The following ATP8B4 variants were observed in gnomAD, a reference collection of about 807,000 sequenced individuals.
ATP8B4 encodes ATPase phospholipid transporting 8B4 (putative).
ATP8B4 carries 133 observed loss-of-function variants against 145.6 expected under a neutral mutation model. That is an observed-to-expected ratio of 0.91 (90% CI 0.79 to 1.05). ATP8B4 has a LOEUF of 1.05. Among genes scored for constraint, ATP8B4 ranks in the 50% least tolerant of loss-of-function variants. The probability of loss-of-function intolerance (pLI) is 0.00; values close to 1 mark genes in which losing one functional copy is unlikely to be tolerated. For missense variants in ATP8B4, 1,458 were observed against 1,425.2 expected (o/e 1.02, Z -0.37); for synonymous variants, 507 against 492.9 (o/e 1.03, Z -0.38).
chr15:49,991,071 C>G (rs561809295), intron 9 of ATP8B4, among the ~76,000 whole-genome samples: 1 of 152,214 alleles, frequency 6.6e-6, no homozygotes, highest in South Asian at 2.1e-4. Flanking sequence ...ATTCTTCACG[C>G]CTTTACATGG....
At position 49,931,283 on chromosome 15, in the gene ATP8B4, G is replaced by T; in HGVS notation, c.1478C>A (p.Ser493Ter). 6.2e-7 allele frequency: 1 copy of T among 1,612,250 alleles called. No homozygotes were observed. The highest frequency in any genetic ancestry group is 8.5e-7 in the Non-Finnish European group (1 of 1,178,988). Residue 493 changes from serine to a stop codon, truncating the protein, a stop_gained, in exon 16 of 28, where the codon TCA becomes TAA. Transcript: ENST00000284509. LOFTEE classifies it high-confidence loss of function. ...SAGELIYQVQSPDEGALVTAA... is the reference protein window; with the variant it reads ...SAGELIYQVQ Reference sequence around the variant, plus strand: ...AGTCACTAGAGCCCCTTCATCAGGTGACTGAACTTGGTAAATCAGCTCTCC... The same window carrying T: ...AGTCACTAGAGCCCCTTCATCAGGTTACTGAACTTGGTAAATCAGCTCTCC...
At chr15:49,989,274 G>A (rs2046868281) in intron 9 of ATP8B4, among the ~76,000 whole-genome samples, 1 of 151,888 alleles carries the variant, frequency 6.6e-6, no homozygotes, top group Non-Finnish European at 1.5e-5. Flanking sequence ...TTTTTTTCTT[G>A]ACCAATAATT....
intron 12 of ATP8B4, among the ~76,000 whole-genome samples, chr15:49,974,525 G>A (rs898762942): frequency 2.0e-5 from 3 of 151,788 alleles, no homozygotes; most frequent in African/African-American, 7.3e-5. Context: ...ACAGCTGGCT[G>A]ATTGTCTTTT....
chr15:50,023,442 C>T (rs999653711), intron 6 of ATP8B4, among the ~76,000 whole-genome samples: 1 of 152,096 alleles, frequency 6.6e-6, no homozygotes, highest in Non-Finnish European at 1.5e-5. Flanking sequence ...AGCATTTATA[C>T]CACAGTCCTT....
chr15:49,946,129 T>A (rs778566276), intron 14 of ATP8B4, among the ~76,000 whole-genome samples: 4 of 152,110 alleles, frequency 2.6e-5, no homozygotes, highest in Non-Finnish European at 4.4e-5. Context: ...TTAAAATAAA[T>A]GAATTCTGTA....
At chr15:50,017,236 T>C (rs1446898228) in intron 6 of ATP8B4, among the ~76,000 whole-genome samples, 1 of 152,248 alleles carries the variant, frequency 6.6e-6, no homozygotes, top group Non-Finnish European at 1.5e-5. Context: ...GATACATTTC[T>C]AGTACCTATC....
rs75426222 is a variant in ATP8B4 at position 50,007,182 on chromosome 15, C to A, written c.435+3663G>T. Among the ~76,000 whole-genome samples, 1,239 of 152,252 alleles carry A rather than the reference C, an allele frequency of 8.1e-3. 19 individuals are homozygous for A. Among genetic ancestry groups the A allele is most frequent in the African/African-American group, 0.028 (1,149 of 41,562 alleles). On this transcript the variant is annotated intron_variant, in intron 7 of 27. Coordinates refer to ENST00000284509, the MANE Select transcript of ATP8B4 (RefSeq NM_024837.4). ...TGGCAATCTCCGGTGAGCTTTTTTCCTTGCTTAAAATTTACTGATAAACTG... is the reference window on the plus strand; with the variant it reads ...TGGCAATCTCCGGTGAGCTTTTTTCATTGCTTAAAATTTACTGATAAACTG...
chr15:50,074,738 C>A (rs1280011529), intron 2 of ATP8B4, among the ~76,000 whole-genome samples: 2 of 152,180 alleles, frequency 1.3e-5, no homozygotes, highest in Non-Finnish European at 2.9e-5. Flanking sequence ...AGAATAAAAT[C>A]TCTTCTGAAA....
In ATP8B4 at chr15:49,931,145, T is replaced by G. The variant is rs149204251; in HGVS notation, c.1616A>C (p.Asn539Thr). The G allele has an allele frequency of 6.4e-5, 103 of 1,611,676 alleles. No individual in the cohort carries two copies. The highest frequency in any genetic ancestry group is 8.1e-5 in the Non-Finnish European group (96 of 1,178,586). ...YQLLAFLDFNNTRKRMSVIVR... is the reference protein window; with the variant it reads ...YQLLAFLDFNTTRKRMSVIVR... ...TATGACAGACATCCTTTTTCTGGTG[T>G]TGTTGAAATCCAAAAAGGCAAGTAA... The change falls in exon 16 of 28, where the codon AAC becomes ACC. Residue 539 changes from asparagine to threonine, a missense_variant. By Grantham distance (65) the Asn-to-Thr change is moderately conservative. Coordinates refer to ENST00000284509, the MANE Select transcript of ATP8B4 (RefSeq NM_024837.4).
chr15:50,040,334 T>C (rs2051177867), intron 5 of ATP8B4, among the ~76,000 whole-genome samples: 1 of 152,218 alleles, frequency 6.6e-6, no homozygotes, highest in Admixed American at 6.5e-5. Flanking sequence ...GTCTGGTCAC[T>C]CCTTCATTCC....
chr15:50,066,574 T>G (rs1045400502), intron 3 of ATP8B4, among the ~76,000 whole-genome samples: 2 of 152,184 alleles, frequency 1.3e-5, no homozygotes, highest in African/African-American at 4.8e-5. Flanking sequence ...TTCAACATGG[T>G]GACATCCCAA....
At chr15:49,888,079 C>T (rs1045380323) in intron 23 of ATP8B4, among the ~76,000 whole-genome samples, 2 of 152,160 alleles carry the variant, frequency 1.3e-5, no homozygotes, top group African/African-American at 4.8e-5. Context: ...AAAGAAAACA[C>T]ATTGTGGAAT....
chr15:50,160,380 T>C (rs1266153994), intron 1 of ATP8B4, among the ~76,000 whole-genome samples: 1 of 152,022 alleles, frequency 6.6e-6, no homozygotes, highest in Non-Finnish European at 1.5e-5. Context: ...CAATTTCATT[T>C]ATTTTTGGTC....
At chr15:49,915,258 T>G (rs574525607) in intron 20 of ATP8B4, among the ~76,000 whole-genome samples, 36 of 152,204 alleles carry the variant, frequency 2.4e-4, no homozygotes, top group African/African-American at 8.7e-4. Flanking sequence ...CTAAAAAAGT[T>G]GATCTCATAG....
chr15:50,154,298 T>A (rs1478614394), intron 1 of ATP8B4, among the ~76,000 whole-genome samples: 1 of 152,018 alleles, frequency 6.6e-6, no homozygotes, highest in Non-Finnish European at 1.5e-5. Context: ...AACCCATGAC[T>A]TTTTTTACAT....
At chr15:50,108,841 T>A (rs1436544995) in intron 1 of ATP8B4, among the ~76,000 whole-genome samples, 2 of 152,192 alleles carry the variant, frequency 1.3e-5, no homozygotes, top group Non-Finnish European at 2.9e-5. Flanking sequence ...CAAACTCTTT[T>A]AGGACAAGGC....
At chr15:50,058,409 T>C (rs2052759708) in intron 3 of ATP8B4, among the ~76,000 whole-genome samples, 1 of 152,190 alleles carries the variant, frequency 6.6e-6, no homozygotes, top group South Asian at 2.1e-4. Flanking sequence ...CACTGCTGTG[T>C]AGTCTGGGAA....
chr15:49,884,053 T>C (rs1452129695), intron 23 of ATP8B4, among the ~76,000 whole-genome samples: 6 of 152,240 alleles, frequency 3.9e-5, no homozygotes, highest in Admixed American at 3.3e-4. Context: ...TAACTTGTTT[T>C]TGTTTTGGAA....
chr15:50,111,211 G>A (rs1427560086), intron 1 of ATP8B4, among the ~76,000 whole-genome samples: 1 of 152,180 alleles, frequency 6.6e-6, no homozygotes, highest in Non-Finnish European at 1.5e-5. Context: ...TCTCTTTAAT[G>A]ATCTGAGGCC....
Sources: gnomAD v4.1 joint callset for allele counts (sites outside exome capture counted in the v4.1 genomes callset) on GRCh38, gnomAD v4.1.1 for gene constraint, MANE v1.5 for transcripts, NCBI Gene and HGNC (gene_info 2026-07-23, HGNC 2026-07-21) for gene names.